The following PPP2R2B variants were observed in gnomAD, a reference collection of about 807,000 sequenced individuals.
PPP2R2B encodes the protein protein phosphatase 2 regulatory subunit Bbeta, also known as serine/threonine-protein phosphatase 2A 55 kDa regulatory subunit B beta isoform.
A neutral mutation model predicts 46.0 loss-of-function variants in PPP2R2B; 5 were observed. The ratio of observed to expected loss-of-function variants is 0.11; its 90% CI spans 0.06 to 0.23. The LOEUF (loss-of-function observed/expected upper bound fraction) is 0.23. Among genes scored for constraint, PPP2R2B ranks in the 10% least tolerant of loss-of-function variants. The pLI is 1.00. For missense variants in PPP2R2B, 367 were observed against 575.0 expected (o/e 0.64, Z 3.70); for synonymous variants, 215 against 206.7 (o/e 1.04, Z -0.34).
rs565992136 is a variant in PPP2R2B at position 146,859,337 on chromosome 5, C to A, written c.70+18665G>T. Among the ~76,000 whole-genome samples, 4 of 152,244 alleles carry A rather than the reference C, an allele frequency of 2.6e-5. No individual in the cohort carries two copies. In the East Asian group the frequency reaches 5.8e-4, roughly 22 times the overall value. On this transcript the variant is annotated intron_variant, in intron 2 of 9. Coordinates refer to ENST00000394411, the MANE Select transcript of PPP2R2B (RefSeq NM_181675.4). ...ACTATTTTACATAACTCCTTCCTTG[C>A]CTAATATTTAGCTGCTAATGTATCA...
rs1355593823 is a variant in PPP2R2B at position 147,014,558 on chromosome 5, A to G, written c.79+41107T>C. ...ACACCATGGAATACTATGCAGCCAT[A>G]AAAAATGATGAGTTCATGTCCTTTG... On this transcript the variant is annotated intron_variant, in intron 1 of 8. Transcript: ENST00000336640. Among the ~76,000 whole-genome samples, 24 of 152,294 alleles carry G rather than the reference A, an allele frequency of 1.6e-4. No individual in the cohort carries two copies. The East Asian group carries it at 3.9e-3, about 25-fold the overall frequency.
intron 2 of PPP2R2B, among the ~76,000 whole-genome samples, chr5:146,811,557 ATTTTT>A (rs1178978309): frequency 1.0e-5 from 1 of 95,744 alleles, no homozygotes. Context: ...TCAACTATGT[ATTTTT>A]TTTTTTTTTT....
chr5:146,600,585 T>TGTAA (rs1318226102), intron 7 of PPP2R2B, 125 bp from the exon 8 acceptor site: 1 of 892,626 alleles, frequency 1.1e-6, no homozygotes, highest in African/African-American at 1.7e-5. Context: ...GTCTGCAGAA[T>TGTAA]GTAAGTTGCT....
At chr5:146,865,303 C>G (rs1043990938) in intron 2 of PPP2R2B, among the ~76,000 whole-genome samples, 3 of 98,016 alleles carry the variant, frequency 3.1e-5, no homozygotes, top group African/African-American at 1.7e-4. Context: ...GACACACACA[C>G]ACACACACAC....
At chr5:146,639,615 G>A (rs1044027773) in intron 6 of PPP2R2B, among the ~76,000 whole-genome samples, 15 of 152,122 alleles carry the variant, frequency 9.9e-5, no homozygotes, top group Non-Finnish European at 2.1e-4. Context: ...TGTGGATGCT[G>A]TTACACAGTA....
chr5:147,072,912 A>G (rs1421739431), intron 2 of PPP2R2B, among the ~76,000 whole-genome samples: 6 of 152,166 alleles, frequency 3.9e-5, no homozygotes, highest in Non-Finnish European at 5.9e-5. Flanking sequence ...TTGGCTTCCA[A>G]TCTAGCCAGT....
At chr5:147,042,710 A>G (rs898593719) in intron 1 of PPP2R2B, among the ~76,000 whole-genome samples, 1 of 152,172 alleles carries the variant, frequency 6.6e-6, no homozygotes, top group Admixed American at 6.5e-5. Context: ...ATGATAAACA[A>G]ATACATAATA....
intron 7 of PPP2R2B, among the ~76,000 whole-genome samples, chr5:146,616,720 A>G (rs1471056979): frequency 1.3e-5 from 2 of 152,098 alleles, no homozygotes; most frequent in Non-Finnish European, 2.9e-5. Context: ...CTAAAAGGCA[A>G]TAATGCTGAT....
chr5:146,947,632 C>G (rs994227121), intron 1 of PPP2R2B, among the ~76,000 whole-genome samples: 4 of 151,906 alleles, frequency 2.6e-5, no homozygotes, highest in African/African-American at 9.7e-5. Flanking sequence ...TGGGGCCAGC[C>G]CTATTTTGTG....
At chr5:146,841,907 T>C (rs760673002) in intron 2 of PPP2R2B, among the ~76,000 whole-genome samples, 1 of 152,190 alleles carries the variant, frequency 6.6e-6, no homozygotes, top group Non-Finnish European at 1.5e-5. Context: ...GTTCTGCACA[T>C]GTATCCCAGA....
chr5:147,020,630 G>A (rs1457206440), intron 1 of PPP2R2B, among the ~76,000 whole-genome samples: 2 of 152,128 alleles, frequency 1.3e-5, no homozygotes, highest in Non-Finnish European at 2.9e-5. Context: ...TTGCTTGACT[G>A]TATCTTTCTG....
chr5:146,951,470 G>A (rs1051272299), intron 1 of PPP2R2B, among the ~76,000 whole-genome samples: 3 of 151,796 alleles, frequency 2.0e-5, no homozygotes, highest in Admixed American at 6.6e-5. Context: ...TATTAAGCCC[G>A]GTATGCATTA....
At chr5:146,716,639 C>G (rs574112917) in intron 2 of PPP2R2B, among the ~76,000 whole-genome samples, 2 of 152,262 alleles carry the variant, frequency 1.3e-5, no homozygotes, top group African/African-American at 4.8e-5. Context: ...GACCATCACT[C>G]AATACTACCC....
chr5:146,656,304 C>G (rs916507431), intron 5 of PPP2R2B: 11 of 152,290 alleles, frequency 7.2e-5, no homozygotes, highest in African/African-American at 1.9e-4. Flanking sequence ...GAGGAGCATT[C>G]CAGCCAGGGG....
intron 5 of PPP2R2B, among the ~76,000 whole-genome samples, chr5:146,668,177 T>C (rs1436061273): frequency 3.0e-5 from 2 of 66,920 alleles, no homozygotes; most frequent in Admixed American, 1.9e-4. Flanking sequence ...TTAAGAGTCC[T>C]AAAGAAAACG....
At chr5:146,950,235 A>G (rs1272112203) in intron 1 of PPP2R2B, among the ~76,000 whole-genome samples, 1 of 152,010 alleles carries the variant, frequency 6.6e-6, no homozygotes, top group Non-Finnish European at 1.5e-5. Flanking sequence ...GTACCTCATA[A>G]ATATATATAC....
At chr5:146,979,560 C>G (rs1401818643) in intron 1 of PPP2R2B, among the ~76,000 whole-genome samples, 2 of 78,416 alleles carry the variant, frequency 2.6e-5, no homozygotes, top group Non-Finnish European at 5.1e-5. Flanking sequence ...CACCTTGAAA[C>G]ACACACACAC....
chr5:146,624,708 A>G (rs1485362205), intron 7 of PPP2R2B, among the ~76,000 whole-genome samples: 1 of 152,196 alleles, frequency 6.6e-6, no homozygotes, highest in African/African-American at 2.4e-5. Context: ...ACCATTGCCT[A>G]CAGGTCTACC....
intron 1 of PPP2R2B, among the ~76,000 whole-genome samples, chr5:147,017,765 G>A (rs147805782): frequency 6.6e-6 from 1 of 152,220 alleles, no homozygotes; most frequent in Non-Finnish European, 1.5e-5. Flanking sequence ...GGTTTAGAGT[G>A]AGAAGGAAAA....
Sources: gnomAD v4.1 joint callset for allele counts (sites outside exome capture counted in the v4.1 genomes callset) on GRCh38, gnomAD v4.1.1 for gene constraint, MANE v1.5 for transcripts, NCBI Gene and HGNC (gene_info 2026-07-23, HGNC 2026-07-21) for gene names.